The following CLEC4A variants were observed in gnomAD, a reference collection of about 807,000 sequenced individuals.
CLEC4A encodes the protein C-type lectin domain family 4 member A.
CLEC4A carries 27 observed loss-of-function variants against 32.7 expected under a neutral mutation model. The ratio of observed to expected loss-of-function variants is 0.83; its 90% confidence interval spans 0.61 to 1.14. The LOEUF (loss-of-function observed/expected upper bound fraction) is 1.14. CLEC4A is among the 50% of genes most tolerant of loss of function. CLEC4A has a pLI of 0.00. For missense variants in CLEC4A, 253 were observed against 274.6 expected (o/e 0.92, Z 0.55); for synonymous variants, 89 against 93.7 (o/e 0.95, Z 0.29).
chr12:8,117,232 CT>C, the CLEC4A span, among the ~76,000 whole-genome samples: 145,414 of 147,988 alleles, frequency 0.98, 71,448 homozygotes, highest in South Asian at 1. Context: ...TTGGGCTCTT[CT>C]TTTTTTTTTT....
At chr12:8,133,765 G>A in intron 3 of CLEC4A, 10 of 1,586,634 alleles carry the variant, frequency 6.3e-6, no homozygotes, top group South Asian at 2.3e-5. Context: ...TAGAAGGGCA[G>A]GCACCTCAGT....
chr12:8,112,616 T>G, the CLEC4A span, among the ~76,000 whole-genome samples: 435 of 152,248 alleles, frequency 2.9e-3, 2 homozygotes, highest in African/African-American at 0.01. Context: ...TGTTTAAGTT[T>G]TAGTTGTGAG....
the CLEC4A span, among the ~76,000 whole-genome samples, chr12:8,113,187 A>G: frequency 2.9e-5 from 4 of 139,086 alleles, no homozygotes; most frequent in East Asian, 6.5e-4. Flanking sequence ...TCATTGTTCA[A>G]TTCCCACCTG....
the CLEC4A span, among the ~76,000 whole-genome samples, chr12:8,118,406 A>C: frequency 5.9e-5 from 9 of 152,164 alleles, no homozygotes; most frequent in South Asian, 2.1e-4. Context: ...AAAAAAAAAA[A>C]AAACCTGAGA....
At chr12:8,130,901 T>C (rs1378611863) in intron 3 of CLEC4A, among the ~76,000 whole-genome samples, 4 of 152,196 alleles carry the variant, frequency 2.6e-5, no homozygotes, top group Non-Finnish European at 5.9e-5. Context: ...TTTTCTTTTC[T>C]GTAATAGGAT....
chr12:8,127,576 G>T (rs1446602829), intron 2 of CLEC4A, among the ~76,000 whole-genome samples: 1 of 152,178 alleles, frequency 6.6e-6, no homozygotes, highest in East Asian at 1.9e-4. Flanking sequence ...TGGACTTATA[G>T]AAACATGATT....
rs986482108 is a variant in CLEC4A at position 8,132,977 on chromosome 12, C to T, written c.299-2608C>T. ...TTGCCCAGGCTGGAGTGCAGTGGTG[C>T]GATCTCAGCTCACTGCAACCTCTGC... On this transcript the variant is annotated intron_variant, in intron 3 of 5. Transcript: ENST00000229332. 2.0e-4 allele frequency among the ~76,000 whole-genome samples: 30 copies of T among 151,822 alleles called. 1 individual carries two copies. Among genetic ancestry groups the T allele is most frequent in the Non-Finnish European group, 3.4e-4 (23 of 67,988 alleles).
At position 8,134,705 on chromosome 12, in the gene CLEC4A, C is replaced by T. The variant is rs183826740; in HGVS notation, c.299-880C>T. On this transcript the variant is annotated intron_variant, in intron 3 of 5. Coordinates refer to ENST00000229332, the MANE Select transcript of CLEC4A (RefSeq NM_016184.4). ...ACTCCTCAGAGCCTGGCCCAAACCC[C>T]GGCCCGATTCCTGGCCCTCCAGGAG... is the stretch of plus-strand genomic sequence containing the variant. 2.9e-5 allele frequency: 45 copies of T among 1,571,162 alleles called. No homozygotes were observed. In the East Asian group the frequency reaches 7.8e-4, roughly 27 times the overall value.
rs749967450 is a variant in CLEC4A, at chr12:8,134,540, C to G, written c.299-1045C>G. On this transcript the variant is annotated intron_variant, in intron 3 of 5. Coordinates refer to ENST00000229332, the MANE Select transcript of CLEC4A (RefSeq NM_016184.4). ...CCGGGGAGGCCCCATCGGAGTTGCT[C>G]TCCACCCCGACTCCTGCTTCGCCCT... 8 of 1,613,670 alleles carry G rather than the reference C, an allele frequency of 5.0e-6. No homozygotes were observed. In the South Asian group the frequency reaches 6.6e-5, roughly 13 times the overall value.
chr12:8,109,288 T>TA, the CLEC4A span, among the ~76,000 whole-genome samples: 1 of 152,132 alleles, frequency 6.6e-6, no homozygotes, highest in Non-Finnish European at 1.5e-5. Flanking sequence ...AATACTTTAA[T>TA]AAATACTTGA....
the CLEC4A span, among the ~76,000 whole-genome samples, chr12:8,114,410 A>G: frequency 6.6e-6 from 1 of 151,908 alleles, no homozygotes; most frequent in Non-Finnish European, 1.5e-5. Flanking sequence ...ACGCCCGGCT[A>G]ATTTTTTGTA....
chr12:8,126,136 C>T (rs1947897293), intron 2 of CLEC4A, among the ~76,000 whole-genome samples: 1 of 152,116 alleles, frequency 6.6e-6, no homozygotes, highest in Non-Finnish European at 1.5e-5. Flanking sequence ...TTATTCCTGC[C>T]CTGCTCAAGA....
chr12:8,114,707 G>T, the CLEC4A span, among the ~76,000 whole-genome samples: 1 of 152,098 alleles, frequency 6.6e-6, no homozygotes, highest in African/African-American at 2.4e-5. Context: ...GAATTATATG[G>T]AAGTCTCAAT....
chr12:8,138,428 T>C lies in CLEC4A; in HGVS notation c.*141T>C, dbSNP rs888045378. 1.3e-5 allele frequency: 13 copies of C among 1,020,628 alleles called. No homozygotes were observed. In the African/African-American group the frequency reaches 2.1e-4, roughly 16 times the overall value. 63.2% of individuals were successfully genotyped at this position (1,020,628 alleles called of 1,614,324 possible). A position where few individuals can be genotyped will look rare whatever the true frequency, so the allele number is the denominator to read the frequency against. On this transcript the variant is annotated 3_prime_UTR_variant, in exon 6 of 6. Transcript: ENST00000229332. ...ACTATTCTACTTATGAGAGAATTGG[T>C]CTGTACATTGACTGATTCACTTTTT...
At position 8,136,819 on chromosome 12, in the gene CLEC4A, C is replaced by G; in HGVS notation, c.482C>G (p.Ser161Cys). 1 of 1,613,194 alleles carries G rather than the reference C, an allele frequency of 6.2e-7. No individual in the cohort carries two copies. Among genetic ancestry groups the G allele is most frequent in the African/African-American group, 1.3e-5 (1 of 75,008 alleles). Residue 161 changes from serine to cysteine, a missense_variant, in exon 5 of 6, where the codon TCT (serine) becomes TGT (cysteine). Ser to Cys is a moderately radical substitution (Grantham distance 112, BLOSUM62 -1). Coordinates refer to ENST00000229332, the MANE Select transcript of CLEC4A (RefSeq NM_016184.4). ...DFIFQNLQEESAYFVGLSDPE... is the reference protein window; with the variant it reads ...DFIFQNLQEECAYFVGLSDPE... ...ATCTTCCAGAATCTGCAAGAAGAATCTGCTTATTTTGTGGGGCTCTCAGAT... is the reference window on the plus strand; with the variant it reads ...ATCTTCCAGAATCTGCAAGAAGAATGTGCTTATTTTGTGGGGCTCTCAGAT...
chr12:8,123,861 A>G lies in CLEC4A; in HGVS notation c.-18A>G, dbSNP rs778687385. On this transcript the variant is annotated 5_prime_UTR_variant, in exon 1 of 6. Coordinates refer to ENST00000229332, the MANE Select transcript of CLEC4A (RefSeq NM_016184.4). Reference sequence around the variant, plus strand: ...CTGAAACAGATTTTCTGAAGAAAGCAGAAGCTCTCTTCCCATTATGACTTC... The same window carrying G: ...CTGAAACAGATTTTCTGAAGAAAGCGGAAGCTCTCTTCCCATTATGACTTC... 2.6e-6 allele frequency: 4 copies of G among 1,554,380 alleles called. No homozygotes were observed. The highest frequency in any genetic ancestry group is 3.6e-6 in the Non-Finnish European group (4 of 1,125,888).
rs781628045 is a variant in CLEC4A, at chr12:8,134,345, G to A, written c.299-1240G>A. ...CACCTTCCCAAATAGAACCCCCAGG[G>A]TGAGCCACATCGGCCTGTGTATATC... On this transcript the variant is annotated intron_variant, in intron 3 of 5. Transcript: ENST00000229332. 3 of 1,612,096 alleles carry A rather than the reference G, an allele frequency of 1.9e-6. 1 individual carries two copies. The highest frequency in any genetic ancestry group is 1.7e-5 in the Admixed American group (1 of 59,638).
Position 8,136,825 on chromosome 12 carries a change from A to C in CLEC4A, c.488A>C (p.Tyr163Ser). 1 of 1,613,340 alleles carries C rather than the reference A, an allele frequency of 6.2e-7. No individual in the cohort carries two copies. The highest frequency in any genetic ancestry group is 8.5e-7 in the Non-Finnish European group (1 of 1,179,450). Residue 163 changes from tyrosine to serine, a missense_variant, in exon 5 of 6, where the codon TAT becomes TCT. Coordinates refer to ENST00000229332, the MANE Select transcript of CLEC4A (RefSeq NM_016184.4). ...CAGAATCTGCAAGAAGAATCTGCTTATTTTGTGGGGCTCTCAGATCCAGAA... is the reference window on the plus strand; with the variant it reads ...CAGAATCTGCAAGAAGAATCTGCTTCTTTTGTGGGGCTCTCAGATCCAGAA... ...IFQNLQEESA[Y>S]FVGLSDPEGQ...
At chr12:8,122,140 T>A (rs1990476), upstream of CLEC4A, among the ~76,000 whole-genome samples, 4,002 of 151,634 alleles carry the variant, frequency 0.026, 165 homozygotes, top group African/African-American at 0.092. Context: ...CTGCATGGAG[T>A]GTCAGAGCCC....
Sources: allele counts gnomAD v4.1 joint callset (sites outside exome capture counted in the v4.1 genomes callset), GRCh38; gene constraint gnomAD v4.1.1; transcripts MANE v1.5; gene names NCBI Gene and HGNC (gene_info 2026-07-23, HGNC 2026-07-21).